SMARCA5: variants seen among roughly 807,000 people sequenced by gnomAD.
SMARCA5 encodes the protein SNF2 related chromatin remodeling ATPase 5.
In SMARCA5, 18 loss-of-function variants were observed where a neutral mutation model predicts 140.4. The ratio of observed to expected loss-of-function variants is 0.13; its 90% CI spans 0.09 to 0.19. The LOEUF (loss-of-function observed/expected upper bound fraction) is 0.19, where lower values mean the gene tolerates loss of function less well. SMARCA5 is among the 10% of genes least tolerant of loss of function. The probability of loss-of-function intolerance (pLI) is 1.00; values close to 1 mark genes in which losing one functional copy is unlikely to be tolerated. For synonymous variants in SMARCA5, 449 were observed against 419.6 expected (o/e 1.07, Z -0.86); for missense variants, 606 against 1,276.8 (o/e 0.47, Z 8.01).
At chr4:143,535,832 C>T (rs1028026084) in intron 10 of SMARCA5, among the ~76,000 whole-genome samples, 2 of 152,132 alleles carry the variant, frequency 1.3e-5, no homozygotes, top group Non-Finnish European at 2.9e-5. Flanking sequence ...ATAACAATGT[C>T]TACATCCTTA....
At chr4:143,538,960 T>A in intron 13 of SMARCA5, 22 bp downstream of exon 13, 1 of 1,606,726 alleles carries the variant, frequency 6.2e-7, no homozygotes, top group South Asian at 1.1e-5. Flanking sequence ...CGAATAAATA[T>A]ATTCTGTGCT....
At position 143,557,318 on chromosome 4, in the gene SMARCA5, T is replaced by C. The variant is rs934495106; in HGVS notation, c.*4134T>C. On this transcript the variant is annotated 3_prime_UTR_variant, in exon 24 of 24. Transcript: ENST00000283131. ...AATGTAAACACTACATTGACAAAAA[T>C]ATTTTATTAATACAAAGAATATGCA... The C allele has an allele frequency of 4.6e-5, 7 of 152,216 alleles. No individual in the cohort carries two copies. The highest frequency in any genetic ancestry group is 1.7e-4 in the African/African-American group (7 of 41,458). The allele number at this position is 152,216 out of a possible 1,614,324, so 9.4% of individuals were successfully genotyped here. A position where few individuals can be genotyped will look rare whatever the true frequency, so the allele number is the denominator to read the frequency against.
chr4:143,542,067 C>T (rs1360969822), intron 14 of SMARCA5, among the ~76,000 whole-genome samples: 1 of 152,038 alleles, frequency 6.6e-6, no homozygotes, highest in Non-Finnish European at 1.5e-5. Context: ...ACTTTGTTGG[C>T]CAGGCTGGTC....
rs189127590 is a variant in SMARCA5 at position 143,529,830 on chromosome 4, C to G, written c.1090-628C>G. Among the ~76,000 whole-genome samples, 17 of 152,170 alleles carry G rather than the reference C, an allele frequency of 1.1e-4. No homozygotes were observed. The East Asian group carries it at 2.9e-3, about 26-fold the overall frequency. On this transcript the variant is annotated intron_variant, in intron 8 of 23. Transcript: ENST00000283131. ...AATCAGACTCCAAAAGCAATTTTAGCTTCGATTTTATGTATTTTGATGTTT... is the reference window on the plus strand; with the variant it reads ...AATCAGACTCCAAAAGCAATTTTAGGTTCGATTTTATGTATTTTGATGTTT...
chr4:143,529,280 A>G (rs947405312), intron 8 of SMARCA5, among the ~76,000 whole-genome samples: 1 of 152,110 alleles, frequency 6.6e-6, no homozygotes, highest in African/African-American at 2.4e-5. Context: ...AATGGCATAA[A>G]TTGTCACTCC....
At chr4:143,529,935 A>G (rs1379605831) in intron 8 of SMARCA5, among the ~76,000 whole-genome samples, 2 of 152,282 alleles carry the variant, frequency 1.3e-5, no homozygotes, top group East Asian at 3.9e-4. Context: ...TGTTTACTCA[A>G]AAACAAAGCA....
chr4:143,553,048 A>T, intron 23 of SMARCA5, 71 bp from the exon 24 acceptor site: 1 of 1,132,256 alleles, frequency 8.8e-7, no homozygotes. Context: ...CTAAAGTGTT[A>T]TAATGTGTCT....
intron 11 of SMARCA5, among the ~76,000 whole-genome samples, chr4:143,537,837 G>T (rs1006863450): frequency 1.3e-5 from 2 of 149,680 alleles, no homozygotes; most frequent in African/African-American, 2.5e-5. Context: ...AGAATCACTT[G>T]AACCTGGGAG....
At chr4:143,541,821 C>T (rs375967724) in intron 14 of SMARCA5, among the ~76,000 whole-genome samples, 6 of 151,980 alleles carry the variant, frequency 3.9e-5, no homozygotes, top group Admixed American at 1.3e-4. Context: ...ATACACCTGC[C>T]GTGTGTTTCT....
intron 19 of SMARCA5, 86 bp from the exon 20 acceptor site, chr4:143,546,690 T>G (rs781005828): frequency 7.6e-7 from 1 of 1,308,216 alleles, no homozygotes; most frequent in Non-Finnish European, 1.1e-6. Flanking sequence ...AAAATTTGTT[T>G]TTGTAATATT....
intron 1 of SMARCA5, 37 bp downstream of exon 1, chr4:143,514,138 G>C (rs781056553): frequency 4.3e-5 from 64 of 1,484,412 alleles, no homozygotes; most frequent in African/African-American, 5.7e-5. Flanking sequence ...CGGGTGCAGC[G>C]GGGAGGAGGA....
rs1346021469 is a variant in SMARCA5, at chr4:143,513,940, G to A, written c.16G>A (p.Glu6Lys). MSSAA[E>K]PPPPPPPESA... ...ACGGAACATCATGTCGTCCGCGGCCGAGCCTCCGCCACCCCCGCCTCCCGA... is the reference window on the plus strand; with the variant it reads ...ACGGAACATCATGTCGTCCGCGGCCAAGCCTCCGCCACCCCCGCCTCCCGA... The change falls in exon 1 of 24, where the codon GAG becomes AAG. Residue 6 changes from glutamate to lysine, a missense_variant. By Grantham distance (56) the Glu-to-Lys change is moderately conservative (BLOSUM62 1). Around this residue, in one of 10 missense-constraint regions of SMARCA5, gnomAD observed 164 missense variants for 128.4 expected, o/e 1.28. Coordinates refer to ENST00000283131, the MANE Select transcript of SMARCA5 (RefSeq NM_003601.4). 1.3e-6 allele frequency: 2 copies of A among 1,546,632 alleles called. No homozygotes were observed. The highest frequency in any genetic ancestry group is 3.8e-5 in the Admixed American group (2 of 53,302).
Position 143,547,428 on chromosome 4 carries a change from G to A in SMARCA5, c.2697G>A (p.Lys899=), listed in dbSNP as rs1207014515. The A allele has an allele frequency of 7.5e-6, 12 of 1,610,630 alleles. No individual in the cohort carries two copies. The highest frequency in any genetic ancestry group is 1.0e-5 in the Non-Finnish European group (12 of 1,177,368). The change falls in exon 21 of 24, where the codon AAG becomes AAA. Residue 899 remains lysine (K), a synonymous_variant. Coordinates refer to ENST00000283131, the MANE Select transcript of SMARCA5 (RefSeq NM_003601.4). ...ERCNELQDIE[K]IMAQIERGEA... The stretch of plus-strand genomic sequence containing the variant: ...GCAACGAGCTCCAGGACATAGAGAA[G>A]ATTATGGCTCAGATTGAAAGGGGAG...
chr4:143,550,499 G>A (rs745706238), intron 23 of SMARCA5, among the ~76,000 whole-genome samples: 9 of 151,676 alleles, frequency 5.9e-5, no homozygotes, highest in African/African-American at 2.2e-4. Context: ...TATTTATTGC[G>A]GTAGTCACTG....
chr4:143,530,382 A>G, intron 8 of SMARCA5, 76 bp from the exon 9 acceptor site: 1 of 889,166 alleles, frequency 1.1e-6, no homozygotes, highest in Non-Finnish European at 1.7e-6. Context: ...TCTAGAAATC[A>G]TTTCTATATC....
intron 18 of SMARCA5, 56 bp downstream of exon 18, chr4:143,545,639 TAAAC>T: frequency 9.6e-7 from 1 of 1,040,902 alleles, no homozygotes. Context: ...ATGGAAGGTA[TAAAC>T]ATTAGTTATA....
intron 1 of SMARCA5, chr4:143,514,470 C>T (rs1001237299): frequency 1.0e-5 from 2 of 193,182 alleles, no homozygotes; most frequent in Admixed American, 6.0e-5. Context: ...TTAGTTTCCA[C>T]CAAACTTCGG....
At chr4:143,527,220 T>A (rs1044173251) in intron 6 of SMARCA5, among the ~76,000 whole-genome samples, 1 of 152,220 alleles carries the variant, frequency 6.6e-6, no homozygotes, top group African/African-American at 2.4e-5. Context: ...ATGACATTAG[T>A]ATATAAAGCT....
intron 20 of SMARCA5, 141 bp downstream of exon 20, chr4:143,547,049 A>G (rs188623464): frequency 7.2e-6 from 6 of 829,942 alleles, no homozygotes; most frequent in East Asian, 2.9e-5. Flanking sequence ...CAAATTAGAA[A>G]ATGTTCTGTT....
Sources: allele counts gnomAD v4.1 joint callset (sites outside exome capture counted in the v4.1 genomes callset), GRCh38; gene constraint gnomAD v4.1.1; regional missense constraint gnomAD v4.1.1; transcripts MANE v1.5; gene names NCBI Gene and HGNC (gene_info 2026-07-23, HGNC 2026-07-21).